Variants in CCNB3 observed in about 807,000 individuals in gnomAD.
The protein encoded by CCNB3 is G2/mitotic-specific cyclin-B3.
CCNB3 carries 12 observed loss-of-function variants against 68.0 expected under a neutral mutation model. That is an observed-to-expected ratio of 0.18 (90% CI 0.11 to 0.29). The LOEUF (loss-of-function observed/expected upper bound fraction) is 0.29. CCNB3 is among the 10% of genes least tolerant of loss of function. The pLI, the probability that CCNB3 is intolerant of heterozygous loss-of-function variation, is 1.00. For missense variants in CCNB3, 904 were observed against 993.1 expected, an observed-to-expected ratio of 0.91 and a Z score of 1.21; for synonymous variants, 354 against 388.9, an observed-to-expected ratio of 0.91 and a Z score of 1.06.
chrX:50,310,148 C>G lies in CCNB3; in HGVS notation c.1979C>G (p.Ala660Gly), dbSNP rs781818274. ...QEVSLSKESL[A>G]IQEKATTEEE... ...GTGTCCCTCTCAAAAGAGTCATTGGCCATCCAAGAGAAGGCTACCACTGAG... is the reference window on the plus strand; with the variant it reads ...GTGTCCCTCTCAAAAGAGTCATTGGGCATCCAAGAGAAGGCTACCACTGAG... Residue 660 changes from alanine to glycine, a missense_variant, in exon 6 of 13, where the codon GCC becomes GGC. Physicochemically the swap from Ala to Gly is moderately conservative, Grantham distance 60. Coordinates refer to ENST00000376042, the MANE Select transcript of CCNB3 (RefSeq NM_033031.3). The G allele has an allele frequency of 7.4e-6, 9 of 1,209,929 alleles. No individual in the cohort carries two copies. The Admixed American group carries it at 2.0e-4, about 26-fold the overall frequency.
intron 1 of CCNB3, among the ~76,000 whole-genome samples, chrX:50,225,066 T>C (rs1165134400): frequency 2.7e-5 from 3 of 111,633 alleles, no homozygotes; most frequent in African/African-American, 9.7e-5. Context: ...GAACCTTGCA[T>C]TCTTGAGAAA....
intron 8 of CCNB3, among the ~76,000 whole-genome samples, chrX:50,331,909 G>A (rs1557218135): frequency 9.0e-6 from 1 of 111,343 alleles, no homozygotes; most frequent in Non-Finnish European, 1.9e-5. Context: ...GGGTTACATT[G>A]TCCCTTAGTA....
chrX:50,228,462 AG>A (rs2147003397), intron 1 of CCNB3, among the ~76,000 whole-genome samples: 1 of 92,193 alleles, frequency 1.1e-5, no homozygotes, highest in South Asian at 4.9e-4. Flanking sequence ...ATATATATAG[AG>A]GATATATCTA....
chrX:50,312,567 A>G lies in CCNB3; in HGVS notation c.3358A>G (p.Ser1120Gly), dbSNP rs1557215211. Residue 1120 changes from serine to glycine, a missense_variant, in exon 7 of 13, where the codon AGC (serine) becomes GGC (glycine). Around this residue, in one of 2 missense-constraint regions of CCNB3, gnomAD observed 285 missense variants for 383.4 expected, o/e 0.74. Transcript: ENST00000376042. ...CCCACGGGAAGATATTGATGAGGACAGCAGTGATCCAAGTTTCAACCCAAT... is the reference window on the plus strand; with the variant it reads ...CCCACGGGAAGATATTGATGAGGACGGCAGTGATCCAAGTTTCAACCCAAT... ...ITPREDIDED[S>G]SDPSFNPMYA... The G allele has an allele frequency of 8.3e-7, 1 of 1,207,649 alleles. No homozygotes were observed. Among genetic ancestry groups the G allele is most frequent in the South Asian group, 1.8e-5 (1 of 56,367 alleles).
intron 4 of CCNB3, among the ~76,000 whole-genome samples, chrX:50,294,457 C>T (rs1343557175): frequency 9.0e-6 from 1 of 111,292 alleles, no homozygotes; most frequent in East Asian, 2.8e-4. Context: ...GAGGCACACC[C>T]AGACAGCAAA....
chrX:50,322,584 A>C (rs1432051106), intron 8 of CCNB3, among the ~76,000 whole-genome samples: 1 of 111,952 alleles, frequency 8.9e-6, no homozygotes, highest in Non-Finnish European at 1.9e-5. Flanking sequence ...GATCTAATTA[A>C]ACTAAAGAGC....
At position 50,338,512 on chromosome X, in the gene CCNB3, G is replaced by T. The variant is rs782059905; in HGVS notation, c.3517-3690G>T. On this transcript the variant is annotated intron_variant, in intron 8 of 12. Coordinates refer to ENST00000376042, the MANE Select transcript of CCNB3 (RefSeq NM_033031.3). ...ATCAGAATGGAACAGAACAGGACAG[G>T]GATTTTCACAGTGCTTTTCCATACA... Among the ~76,000 whole-genome samples, 4 of 112,025 alleles carry T rather than the reference G, an allele frequency of 3.6e-5. No homozygotes were observed. In the East Asian group the frequency reaches 1.1e-3, roughly 32 times the overall value.
chrX:50,207,440 T>C (rs67317282), intron 1 of CCNB3, among the ~76,000 whole-genome samples: 1 of 112,347 alleles, frequency 8.9e-6, no homozygotes, highest in Non-Finnish European at 1.9e-5. Flanking sequence ...AGAATGACTG[T>C]GTTTTGCCCA....
At position 50,308,675 on chromosome X, in the gene CCNB3, A is replaced by C; in HGVS notation, c.506A>C (p.Glu169Ala). The C allele has an allele frequency of 8.3e-7, 1 of 1,211,316 alleles. No individual in the cohort carries two copies. The highest frequency in any genetic ancestry group is 1.1e-6 in the Non-Finnish European group (1 of 895,137). ...AAGGAGGAACCCACTATTGAGGATG[A>C]AACCCTTATCAATAAGTCATTATCT... ...VLKEEPTIED[E>A]TLINKSLSLK... The change falls in exon 6 of 13, where the codon GAA (glutamate) becomes GCA (alanine). Residue 169 changes from glutamate (E) to alanine (A), a missense_variant. Physicochemically the swap from Glu to Ala is moderately radical, Grantham distance 107 (BLOSUM62 -1). Coordinates refer to ENST00000376042, the MANE Select transcript of CCNB3 (RefSeq NM_033031.3).
At chrX:50,283,915 CAT>C (rs1210121803) in intron 1 of CCNB3, among the ~76,000 whole-genome samples, 1 of 108,966 alleles carries the variant, frequency 9.2e-6, no homozygotes, top group Non-Finnish European at 1.9e-5. Context: ...ATGACAGACA[CAT>C]ATAAATTTTA....
At position 50,310,710 on chromosome X, in the gene CCNB3, G is replaced by C. The variant is rs1921385936; in HGVS notation, c.2541G>C (p.Glu847Asp). Residue 847 changes from glutamate (E) to aspartate (D), a missense_variant, in exon 6 of 13, where the codon GAG (glutamate) becomes GAC (aspartate). Glu to Asp is a conservative substitution (Grantham distance 45). This residue lies in a region of CCNB3 where 619 missense variants were observed against 609.8 expected (regional missense o/e 1.02). Coordinates refer to ENST00000376042, the MANE Select transcript of CCNB3 (RefSeq NM_033031.3). ...PSTEKEAVLKEPSVDTEAHFK... is the reference protein window; with the variant it reads ...PSTEKEAVLKDPSVDTEAHFK... Reference sequence around the variant, plus strand: ...CTGAGAAGGAGGCTGTCCTCAAGGAGCCCAGTGTTGACACAGAAGCTCACT... The same window carrying C: ...CTGAGAAGGAGGCTGTCCTCAAGGACCCCAGTGTTGACACAGAAGCTCACT... 8.3e-7 allele frequency: 1 copy of C among 1,208,445 alleles called. No individual in the cohort carries two copies. The highest frequency in any genetic ancestry group is 1.1e-6 in the Non-Finnish European group (1 of 894,709).
At chrX:50,228,621 T>A (rs986380141) in intron 1 of CCNB3, among the ~76,000 whole-genome samples, 15 of 85,145 alleles carry the variant, frequency 1.8e-4, no homozygotes, top group Non-Finnish European at 2.8e-4. Flanking sequence ...ATATAGAATA[T>A]ATATAGAATA....
intron 8 of CCNB3, among the ~76,000 whole-genome samples, chrX:50,340,063 G>A (rs1923045887): frequency 8.9e-6 from 1 of 111,951 alleles, no homozygotes; most frequent in Non-Finnish European, 1.9e-5. Flanking sequence ...CTGTTTCTTG[G>A]TATTTCTGTT....
chrX:50,329,156 C>T (rs1557217714), intron 8 of CCNB3, among the ~76,000 whole-genome samples: 1 of 111,714 alleles, frequency 9.0e-6, no homozygotes. Flanking sequence ...CATGGCTCTA[C>T]AATTCTGGGG....
At chrX:50,290,703 C>T (rs1936333249) in intron 4 of CCNB3, among the ~76,000 whole-genome samples, 1 of 111,416 alleles carries the variant, frequency 9.0e-6, no homozygotes, top group Non-Finnish European at 1.9e-5. Context: ...CCTGATTCTC[C>T]AGCTGAATTG....
chrX:50,306,514 A>T (rs1557213593), intron 5 of CCNB3, among the ~76,000 whole-genome samples: 1 of 111,989 alleles, frequency 8.9e-6, no homozygotes, highest in East Asian at 2.8e-4. Flanking sequence ...GTTGAATAGA[A>T]GTATCAAGAG....
At chrX:50,227,547 G>T (rs901967411) in intron 1 of CCNB3, among the ~76,000 whole-genome samples, 1,212 of 50,357 alleles carry the variant, frequency 0.024, 22 homozygotes, top group African/African-American at 0.077. Context: ...TAAATATATA[G>T]AGAGAGATAT....
chrX:50,350,801 T>A (rs1441132273), intron 11 of CCNB3, among the ~76,000 whole-genome samples: 3 of 109,364 alleles, frequency 2.7e-5, no homozygotes, highest in African/African-American at 1.0e-4. Context: ...GCTCAAGCAA[T>A]CCTCCTGCCT....
chrX:50,294,852 T>G lies in CCNB3; in HGVS notation c.205-11T>G. On this transcript the variant is annotated splice_polypyrimidine_tract_variant and intron_variant, in intron 4 of 12. Transcript: ENST00000376042. The stretch of plus-strand genomic sequence containing the variant: ...CTTCCCCTGCCCCCCAACCCACCTT[T>G]TTTTTTGCAGGCTTCTCAATGTCAA... 8.4e-7 allele frequency: 1 copy of G among 1,184,837 alleles called. No homozygotes were observed.
Sources: gnomAD v4.1 joint callset for allele counts (sites outside exome capture counted in the v4.1 genomes callset) on GRCh38, gnomAD v4.1.1 for gene constraint, gnomAD v4.1.1 regional missense constraint, MANE v1.5 for transcripts, NCBI Gene and HGNC (gene_info 2026-07-23, HGNC 2026-07-21) for gene names.